MRE11: variants seen among roughly 807,000 people sequenced by gnomAD.
MRE11 encodes MRE11 double strand break repair nuclease.
MRE11 carries 62 observed loss-of-function variants against 91.7 expected under a neutral mutation model. The ratio of observed to expected loss-of-function variants is 0.68; its 90% CI spans 0.55 to 0.84. MRE11 has a LOEUF of 0.84. Ranked by LOEUF, MRE11 falls within the 40% of genes least tolerant of loss-of-function variation. MRE11 has a pLI of 0.00. For missense variants in MRE11, 796 were observed against 852.9 expected, an observed-to-expected ratio of 0.93 and a Z score of 0.83; for synonymous variants, 273 against 271.4, an observed-to-expected ratio of 1.01 and a Z score of -0.06.
At chr11:94,446,486 A>G (rs1250941589) in intron 15 of MRE11, among the ~76,000 whole-genome samples, 2 of 152,226 alleles carry the variant, frequency 1.3e-5, no homozygotes, top group African/African-American at 4.8e-5. Context: ...GAAAATAATC[A>G]TCATTAAAAG....
the MRE11 span, among the ~76,000 whole-genome samples, chr11:94,507,228 T>A: frequency 7.2e-5 from 11 of 152,250 alleles, no homozygotes; most frequent in Non-Finnish European, 1.2e-4. Flanking sequence ...TAACTTATTG[T>A]GTATATTTTT....
At chr11:94,497,982 T>C, upstream of MRE11, 1 of 995,442 alleles carries the variant, frequency 1.0e-6, no homozygotes, top group Non-Finnish European at 1.4e-6. Context: ...TTTATTCAAC[T>C]TAATTAAATC....
At chr11:94,486,658 C>A (rs979479891) in intron 3 of MRE11, among the ~76,000 whole-genome samples, 1 of 152,120 alleles carries the variant, frequency 6.6e-6, no homozygotes, top group Non-Finnish European at 1.5e-5. Context: ...AAGTCAAACT[C>A]TGGGGTGCAC....
the MRE11 span, among the ~76,000 whole-genome samples, chr11:94,506,406 G>A: frequency 1.3e-5 from 2 of 151,586 alleles, no homozygotes; most frequent in African/African-American, 4.8e-5. Context: ...TCTTTCAAGA[G>A]AATATGCATT....
chr11:94,417,790 C>A lies in MRE11; in HGVS notation c.*2335G>T, dbSNP rs546189284. The A allele has an allele frequency of 2.1e-5, 5 of 233,048 alleles. No homozygotes were observed. Among genetic ancestry groups the A allele is most frequent in the African/African-American group, 1.1e-4 (5 of 45,458 alleles). The allele number at this position is 233,048 out of a possible 1,614,324, so 14.4% of individuals were successfully genotyped here. The stretch of plus-strand genomic sequence containing the variant: ...ACTTTTAAAAGTTTGGGAAAAAAGT[C>A]TTTTACATACCTGAATTAAAGGTCA... On this transcript the variant is annotated 3_prime_UTR_variant, in exon 20 of 20. Coordinates refer to ENST00000323929, the MANE Select transcript of MRE11 (RefSeq NM_005591.4).
At chr11:94,474,554 G>A (rs2135061498) in intron 7 of MRE11, among the ~76,000 whole-genome samples, 1 of 152,218 alleles carries the variant, frequency 6.6e-6, no homozygotes, top group South Asian at 2.1e-4. Context: ...AAATACCACA[G>A]TATTAATTAC....
intron 6 of MRE11, 108 bp downstream of exon 6, chr11:94,478,627 A>C: frequency 7.7e-7 from 1 of 1,304,350 alleles, no homozygotes. Flanking sequence ...ACCAATAAAG[A>C]ATAAGGTTTG....
the MRE11 span, among the ~76,000 whole-genome samples, chr11:94,510,807 C>T: frequency 7.2e-5 from 11 of 152,080 alleles, no homozygotes; most frequent in African/African-American, 1.9e-4. Context: ...GTGAGAATGG[C>T]GATGAATTCA....
intron 8 of MRE11, among the ~76,000 whole-genome samples, chr11:94,471,320 T>C (rs1946703212): frequency 6.6e-6 from 1 of 152,012 alleles, no homozygotes; most frequent in African/African-American, 2.4e-5. Flanking sequence ...TGAAATATAA[T>C]AAAAATGTGC....
intron 15 of MRE11, 54 bp downstream of exon 15, chr11:94,447,165 T>A (rs1220212068): frequency 1.3e-6 from 2 of 1,521,740 alleles, no homozygotes; most frequent in African/African-American, 2.7e-5. Flanking sequence ...TAATTCTGTA[T>A]TTTCCACTCA....
chr11:94,454,087 T>C lies in MRE11; in HGVS notation c.1563+2189A>G, dbSNP rs537660281. Among the ~76,000 whole-genome samples, 122 of 151,960 alleles carry C rather than the reference T, an allele frequency of 8.0e-4. 2 individuals carry two copies. The highest frequency in any genetic ancestry group is 7.9e-3 in the Admixed American group (120 of 15,258). ...GTGAACAAAAGATTTTTTTTTTTTT[T>C]TTTTGAGACAGGGTCTTGCTCTGTC... On this transcript the variant is annotated intron_variant, in intron 14 of 19. Coordinates refer to ENST00000323929, the MANE Select transcript of MRE11 (RefSeq NM_005591.4).
chr11:94,447,076 G>C (rs558367460), intron 15 of MRE11, 143 bp downstream of exon 15: 2 of 885,218 alleles, frequency 2.3e-6, no homozygotes, highest in African/African-American at 3.4e-5. Context: ...CTTAAAGACT[G>C]TCTTTATATA....
At chr11:94,446,361 C>G (rs1220530366) in intron 15 of MRE11, among the ~76,000 whole-genome samples, 1 of 152,058 alleles carries the variant, frequency 6.6e-6, no homozygotes, top group Non-Finnish European at 1.5e-5. Context: ...GAGCTGAAAT[C>G]GCACCATTGC....
intron 12 of MRE11, 36 bp downstream of exon 12, chr11:94,460,900 T>C (rs769410418): frequency 4.0e-6 from 6 of 1,486,704 alleles, no homozygotes; most frequent in East Asian, 4.5e-5. Flanking sequence ...TACTATAAGG[T>C]AGCCATTATT....
Position 94,417,497 on chromosome 11 carries a change from T to TA in MRE11, c.*2627dup, listed in dbSNP as rs1945059601. 4.3e-6 allele frequency: 1 copy of TA among 232,950 alleles called. No individual in the cohort carries two copies. Among genetic ancestry groups the TA allele is most frequent in the South Asian group, 1.8e-4 (1 of 5,532 alleles). 14.4% of individuals were successfully genotyped at this position (232,950 alleles called of 1,614,324 possible). A position where few individuals can be genotyped will look rare whatever the true frequency, so the allele number is the denominator to read the frequency against. ...AGGTTTAGTATTAATGCATATGTTCTAAGTTTATTGCAACTACACTAACTT... is the reference window on the plus strand; with the variant it reads ...AGGTTTAGTATTAATGCATATGTTCTAAAGTTTATTGCAACTACACTAACTT... On this transcript the variant is annotated 3_prime_UTR_variant, in exon 20 of 20. Coordinates refer to ENST00000323929, the MANE Select transcript of MRE11 (RefSeq NM_005591.4).
chr11:94,460,848 T>C lies in MRE11; in HGVS notation c.1326+88A>G, dbSNP rs1426064468. On this transcript the variant is annotated intron_variant, in intron 12 of 19. Coordinates refer to ENST00000323929, the MANE Select transcript of MRE11 (RefSeq NM_005591.4). ...ATAGAAACATTTTGAGGATTCATTT[T>C]GTTTAAACTATCAACTAAACATATC... 4.7e-6 allele frequency: 5 copies of C among 1,066,164 alleles called. No homozygotes were observed. The East Asian group carries it at 7.6e-5, about 16-fold the overall frequency. 66.0% of individuals were successfully genotyped at this position (1,066,164 alleles called of 1,614,324 possible). A position where few individuals can be genotyped will look rare whatever the true frequency, so the allele number is the denominator to read the frequency against.
upstream of MRE11, chr11:94,496,993 A>G: frequency 6.2e-7 from 1 of 1,609,366 alleles, no homozygotes; most frequent in Non-Finnish European, 8.5e-7. Context: ...CAGTAGGAAA[A>G]GCACTGGGTT....
rs773911334 is a variant in MRE11, at chr11:94,437,240, A to G, written c.1868-5T>C. The G allele has an allele frequency of 6.2e-7, 1 of 1,612,172 alleles. No individual in the cohort carries two copies. Among genetic ancestry groups the G allele is most frequent in the Admixed American group, 1.7e-5 (1 of 59,970 alleles). On this transcript the variant is annotated splice_region_variant and splice_polypyrimidine_tract_variant and intron_variant, in intron 16 of 19. Transcript: ENST00000323929. ...GCTGTCTTGTAGATTTAAAGGCTAG[A>G]ATGAAAAAGATGAAATGTGCATTAT...
intron 16 of MRE11, among the ~76,000 whole-genome samples, chr11:94,438,837 A>T (rs1945696996): frequency 6.6e-6 from 1 of 152,216 alleles, no homozygotes; most frequent in Non-Finnish European, 1.5e-5. Context: ...TACTTCATGC[A>T]GAAAACTGCT....
Sources: allele counts gnomAD v4.1 joint callset (sites outside exome capture counted in the v4.1 genomes callset), GRCh38; gene constraint gnomAD v4.1.1; transcripts MANE v1.5; gene names NCBI Gene and HGNC (gene_info 2026-07-23, HGNC 2026-07-21).